Variants in RIC1 observed in about 807,000 individuals in gnomAD.
RIC1 encodes the protein guanine nucleotide exchange factor subunit RIC1.
A neutral mutation model predicts 169.0 loss-of-function variants in RIC1; 88 were observed. That is an observed-to-expected ratio of 0.52 (90% CI 0.44 to 0.62). The LOEUF (loss-of-function observed/expected upper bound fraction) is 0.62. Among genes scored for constraint, RIC1 ranks in the 20% least tolerant of loss-of-function variants. The probability of loss-of-function intolerance (pLI) is 0.00; values close to 1 mark genes in which losing one functional copy is unlikely to be tolerated. For synonymous variants in RIC1, 790 were observed against 601.5 expected (o/e 1.31, Z -4.59); for missense variants, 1,877 against 1,725.5 (o/e 1.09, Z -1.56).
At chr9:5,648,557 A>G (rs978509898) in intron 1 of RIC1, among the ~76,000 whole-genome samples, 3 of 152,090 alleles carry the variant, frequency 2.0e-5, no homozygotes, top group African/African-American at 4.8e-5. Context: ...GGATTGCTGG[A>G]TCATATGGTA....
intron 12 of RIC1, chr9:5,748,861 G>A (rs1207213886): frequency 6.6e-6 from 1 of 152,188 alleles, no homozygotes; most frequent in South Asian, 2.1e-4. Context: ...AGGACTTTGG[G>A]TACTAGCAAG....
intron 2 of RIC1, among the ~76,000 whole-genome samples, chr9:5,660,572 G>A (rs181244595): frequency 7.9e-5 from 12 of 152,256 alleles, no homozygotes; most frequent in Admixed American, 5.2e-4. Flanking sequence ...GTATCTCATT[G>A]TGGTTTTGAC....
chr9:5,637,062 T>G (rs1175941949), intron 1 of RIC1, among the ~76,000 whole-genome samples: 1 of 152,112 alleles, frequency 6.6e-6, no homozygotes, highest in African/African-American at 2.4e-5. Flanking sequence ...TTTTTTTGTT[T>G]GTTTGTTTGT....
chr9:5,733,606 T>G (rs1201787483), intron 7 of RIC1, among the ~76,000 whole-genome samples: 1 of 152,090 alleles, frequency 6.6e-6, no homozygotes, highest in Non-Finnish European at 1.5e-5. Context: ...ATCACTTTCA[T>G]TACACTCTTA....
At chr9:5,735,436 C>T (rs946076345) in intron 7 of RIC1, among the ~76,000 whole-genome samples, 7 of 152,220 alleles carry the variant, frequency 4.6e-5, no homozygotes, top group African/African-American at 1.7e-4. Flanking sequence ...CCTCCCTAGG[C>T]TATGGGCTTA....
At chr9:5,735,396 G>T (rs1824636821) in intron 7 of RIC1, among the ~76,000 whole-genome samples, 2 of 152,330 alleles carry the variant, frequency 1.3e-5, no homozygotes, top group South Asian at 4.1e-4. Context: ...GCCAGCACAA[G>T]GGTGGGTGTT....
In RIC1 at chr9:5,720,750, G is replaced by C; in HGVS notation, c.720G>C (p.Glu240Asp). 6.3e-7 allele frequency: 1 copy of C among 1,590,836 alleles called. No homozygotes were observed. The highest frequency in any genetic ancestry group is 8.5e-7 in the Non-Finnish European group (1 of 1,172,536). Residue 240 changes from glutamate (E) to aspartate (D), a missense_variant and splice_region_variant, in exon 6 of 26, where the codon GAG becomes GAC. By Grantham distance (45) the Glu-to-Asp change is conservative (BLOSUM62 2). This residue lies in a region of RIC1 where 1,104 missense variants were observed against 992.0 expected (regional missense o/e 1.11). Coordinates refer to ENST00000414202, the MANE Select transcript of RIC1 (RefSeq NM_020829.4). ...CAGTGTCAAGTAGATTTACTGCAGA[G>C]GTATGACTTATTTACTTTGAAGGGT... ...ITPVSSRFTA[E>D]QLHGVWPQDV... is the part of the protein sequence containing the mutation.
intron 1 of RIC1, among the ~76,000 whole-genome samples, chr9:5,632,947 G>A (rs1400251283): frequency 1.3e-5 from 2 of 152,154 alleles, no homozygotes; most frequent in Non-Finnish European, 2.9e-5. Flanking sequence ...ATTAGCTTCA[G>A]AAGTATTTTT....
At chr9:5,711,989 G>A (rs1270544469) in intron 3 of RIC1, among the ~76,000 whole-genome samples, 2 of 152,042 alleles carry the variant, frequency 1.3e-5, no homozygotes, top group African/African-American at 4.8e-5. Context: ...TGAACATTTG[G>A]GTTGGTTCCA....
At chr9:5,733,896 T>G (rs1168496993) in intron 7 of RIC1, among the ~76,000 whole-genome samples, 1 of 151,534 alleles carries the variant, frequency 6.6e-6, no homozygotes, top group Non-Finnish European at 1.5e-5. Context: ...CCTCCCTTCT[T>G]TGTCTTCTCT....
rs142816570 is a variant in RIC1 at position 5,648,926 on chromosome 9, T to C, written c.145-7657T>C. 2.0e-5 allele frequency among the ~76,000 whole-genome samples: 3 copies of C among 152,354 alleles called. No individual in the cohort carries two copies. The East Asian group carries it at 5.8e-4, about 29-fold the overall frequency. On this transcript the variant is annotated intron_variant, in intron 1 of 25. Coordinates refer to ENST00000414202, the MANE Select transcript of RIC1 (RefSeq NM_020829.4). ...TTAGTTTCTTGTCAGATGCATAGTTTGCAACTATTGTCTACCATTCAAAAG... is the reference window on the plus strand; with the variant it reads ...TTAGTTTCTTGTCAGATGCATAGTTCGCAACTATTGTCTACCATTCAAAAG...
At chr9:5,715,545 C>T (rs1342197648) in intron 4 of RIC1, among the ~76,000 whole-genome samples, 3 of 152,080 alleles carry the variant, frequency 2.0e-5, no homozygotes, top group African/African-American at 7.2e-5. Flanking sequence ...GATTTTAAAT[C>T]GAGTGAGAAG....
chr9:5,669,292 C>G (rs1819957501), intron 2 of RIC1, among the ~76,000 whole-genome samples: 2 of 152,166 alleles, frequency 1.3e-5, no homozygotes, highest in African/African-American at 2.4e-5. Context: ...GCCTCCCACC[C>G]TTTTCCCTGA....
chr9:5,632,076 G>A (rs1817741833), intron 1 of RIC1, among the ~76,000 whole-genome samples: 1 of 152,202 alleles, frequency 6.6e-6, no homozygotes, highest in Non-Finnish European at 1.5e-5. Context: ...ATTTTACAGA[G>A]TTGAAGTCTT....
At chr9:5,701,944 A>G (rs1427587967) in intron 3 of RIC1, among the ~76,000 whole-genome samples, 1 of 152,210 alleles carries the variant, frequency 6.6e-6, no homozygotes, top group Non-Finnish European at 1.5e-5. Flanking sequence ...TCCACGTATT[A>G]AACATCATCA....
At chr9:5,743,795 CT>C (rs1825218598) in intron 10 of RIC1, 58 bp downstream of exon 10, 3 of 1,216,080 alleles carry the variant, frequency 2.5e-6, no homozygotes, top group Non-Finnish European at 2.4e-6. Context: ...TTTTTCTTCC[CT>C]TTTTTCACTC....
intron 25 of RIC1, 82 bp downstream of exon 25, chr9:5,773,162 G>T: frequency 1.6e-6 from 1 of 616,112 alleles, no homozygotes; most frequent in Non-Finnish European, 2.5e-6. Flanking sequence ...CCTAGTTATG[G>T]TTCATGTGTT....
intron 3 of RIC1, among the ~76,000 whole-genome samples, chr9:5,705,049 G>A (rs1822484795): frequency 6.6e-6 from 1 of 152,116 alleles, no homozygotes; most frequent in African/African-American, 2.4e-5. Context: ...TTACCACACT[G>A]TGTTGGTTAC....
At chr9:5,745,043 C>T (rs573343368) in intron 10 of RIC1, among the ~76,000 whole-genome samples, 1 of 152,260 alleles carries the variant, frequency 6.6e-6, no homozygotes, top group African/African-American at 2.4e-5. Flanking sequence ...TGTCTTTGCC[C>T]ACCTCCATAG....
Sources: gnomAD v4.1 joint callset for allele counts (sites outside exome capture counted in the v4.1 genomes callset) on GRCh38, gnomAD v4.1.1 for gene constraint, gnomAD v4.1.1 regional missense constraint, MANE v1.5 for transcripts, NCBI Gene and HGNC (gene_info 2026-07-23, HGNC 2026-07-21) for gene names.